TFEB: variants seen among roughly 807,000 people sequenced by gnomAD.
TFEB encodes the protein transcription factor EB.
Under a neutral mutation model 48.0 loss-of-function variants are expected in TFEB, and 12 were observed. The ratio of observed to expected loss-of-function variants is 0.25; its 90% confidence interval spans 0.16 to 0.40. The LOEUF is 0.40. TFEB is among the 10% of genes least tolerant of loss of function. The probability of loss-of-function intolerance (pLI) is 1.00; values close to 1 mark genes in which losing one functional copy is unlikely to be tolerated. For synonymous variants in TFEB, 244 were observed against 261.4 expected, an observed-to-expected ratio of 0.93 and a Z score of 0.64; for missense variants, 509 against 640.3, an observed-to-expected ratio of 0.79 and a Z score of 2.21.
At position 41,734,470 on chromosome 6, in the gene TFEB, G is replaced by T. The variant is rs909373389; in HGVS notation, c.-23+880C>A. The stretch of plus-strand genomic sequence containing the variant: ...TCCCTTCCAGGAGGCGAGCGGACGC[G>T]CTGGGCCAGAGCTGGTCGGGACAGC... On this transcript the variant is annotated intron_variant, in intron 1 of 8. Coordinates refer to ENST00000373033, the MANE Select transcript of TFEB (RefSeq NM_001271944.2). This position sits in a 1 kb window ranked among gnomAD's most constrained non-coding sequence, Gnocchi z 4.0. 1.6e-5 allele frequency: 13 copies of T among 787,976 alleles called. No individual in the cohort carries two copies. Among genetic ancestry groups the T allele is most frequent in the Non-Finnish European group, 1.7e-5 (11 of 650,468 alleles). The allele number at this position is 787,976 out of a possible 1,614,324, so 48.8% of individuals were successfully genotyped here.
chr6:41,691,157 C>T lies in TFEB; in HGVS notation c.57G>A (p.Glu19=), dbSNP rs1350097180. The change falls in exon 2 of 9, where the codon GAG becomes GAA. Residue 19 remains glutamate, a synonymous_variant. Transcript: ENST00000373033. The surrounding 1 kb of genome is among the most constrained non-coding windows in gnomAD (Gnocchi z 5.2). ...MQLMREQAQQ[E]EQRERMQQQA... is the part of the protein sequence containing the mutation. Reference sequence around the variant, plus strand: ...GTTGCTGCATGCGCTCCCGCTGCTCCTCCTGCTGCGCCTGCTCCCGCATGA... The same window carrying T: ...GTTGCTGCATGCGCTCCCGCTGCTCTTCCTGCTGCGCCTGCTCCCGCATGA... 1 of 1,590,408 alleles carries T rather than the reference C, an allele frequency of 6.3e-7. No homozygotes were observed. The highest frequency in any genetic ancestry group is 8.6e-7 in the Non-Finnish European group (1 of 1,166,642).
chr6:41,722,805 T>C (rs1451036747), intron 1 of TFEB, among the ~76,000 whole-genome samples: 1 of 152,216 alleles, frequency 6.6e-6, no homozygotes, highest in African/African-American at 2.4e-5. Flanking sequence ...ACATGCTATG[T>C]CCTGGTGAAG....
Position 41,735,588 on chromosome 6 carries a change from G to C in TFEB, c.-261C>G, listed in dbSNP as rs1053857033. The C allele has an allele frequency of 1.0e-6, 1 of 982,972 alleles. No homozygotes were observed. Among genetic ancestry groups the C allele is most frequent in the Non-Finnish European group, 1.2e-6 (1 of 828,084 alleles). 60.9% of individuals were successfully genotyped at this position (982,972 alleles called of 1,614,324 possible). Reference sequence around the variant, plus strand: ...TCACCGAGCCCCGCGCCCGGCGCCCGGGCTCCGGCTGTCACTCCACGCACA... The same window carrying C: ...TCACCGAGCCCCGCGCCCGGCGCCCCGGCTCCGGCTGTCACTCCACGCACA... On this transcript the variant is annotated 5_prime_UTR_variant, in exon 1 of 9. Coordinates refer to ENST00000373033, the MANE Select transcript of TFEB (RefSeq NM_001271944.2).
intron 1 of TFEB, among the ~76,000 whole-genome samples, chr6:41,702,695 G>A (rs1177822379): frequency 1.3e-5 from 2 of 152,198 alleles, no homozygotes; most frequent in East Asian, 3.8e-4. Flanking sequence ...TCATGCCATT[G>A]TGGACTTGGG....
At chr6:41,721,051 A>C (rs1770957845) in intron 1 of TFEB, among the ~76,000 whole-genome samples, 1 of 146,262 alleles carries the variant, frequency 6.8e-6, no homozygotes. Flanking sequence ...CCAACCATTC[A>C]CCCCAGGCAT....
rs974341122 is a variant in TFEB at position 41,691,293 on chromosome 6, G to A, written c.-22-58C>T. 6.6e-6 allele frequency: 10 copies of A among 1,507,178 alleles called. No homozygotes were observed. The highest frequency in any genetic ancestry group is 7.2e-6 in the Non-Finnish European group (8 of 1,107,262). 93.4% of individuals were successfully genotyped at this position (1,507,178 alleles called of 1,614,324 possible). On this transcript the variant is annotated intron_variant, in intron 1 of 8. Coordinates refer to ENST00000373033, the MANE Select transcript of TFEB (RefSeq NM_001271944.2). This position sits in a 1 kb window ranked among gnomAD's most constrained non-coding sequence, Gnocchi z 5.2. ...GCACGTGTCCTCCTCAAAGCACAGG[G>A]GCTGGCAGGGGGAGGCCAGAATGAC...
At chr6:41,697,502 A>AC (rs1171318397) in intron 1 of TFEB, among the ~76,000 whole-genome samples, 306 of 73,248 alleles carry the variant, frequency 4.2e-3, no homozygotes, top group African/African-American at 0.016. Context: ...CCCTTCTCCA[A>AC]ACCCCCCCCC....
rs73733005 is a variant in TFEB at position 41,723,388 on chromosome 6, C to A, written c.-23+11962G>T. 0.01 allele frequency: 10,236 copies of A among 974,948 alleles called. 701 individuals are homozygous for A. The African/African-American group carries it at 0.15, about 14-fold the overall frequency. The allele number at this position is 974,948 out of a possible 1,614,324, so 60.4% of individuals were successfully genotyped here. A position where few individuals can be genotyped will look rare whatever the true frequency, so the allele number is the denominator to read the frequency against. ...ACACAGATGCACACAGGCTAACACACATGGACACACATTCACACACATGCT... is the reference window on the plus strand; with the variant it reads ...ACACAGATGCACACAGGCTAACACAAATGGACACACATTCACACACATGCT... On this transcript the variant is annotated intron_variant, in intron 1 of 8. Transcript: ENST00000373033. The surrounding 1 kb of genome is among the most constrained non-coding windows in gnomAD (Gnocchi z 6.0).
chr6:41,684,933 A>T lies in TFEB; in HGVS notation c.1097T>A (p.Val366Asp). 1 of 1,582,700 alleles carries T rather than the reference A, an allele frequency of 6.3e-7. No individual in the cohort carries two copies. Among genetic ancestry groups the T allele is most frequent in the Non-Finnish European group, 8.6e-7 (1 of 1,164,620 alleles). ...PGEALMLGAE[V>D]PDPEPLPALP... is the part of the protein sequence containing the mutation. ...AGCTGGCAGTGGCTCAGGGTCAGGG[A>T]CCTCAGCCCCCAGCATCAGGGCCTC... The change falls in exon 9 of 9, where the codon GTC becomes GAC. Residue 366 changes from valine (V) to aspartate (D), a missense_variant. Physicochemically the swap from Val to Asp is radical, Grantham distance 152. Around this residue, in one of 4 missense-constraint regions of TFEB, gnomAD observed 168 missense variants for 161.0 expected, o/e 1.04. Coordinates refer to ENST00000373033, the MANE Select transcript of TFEB (RefSeq NM_001271944.2).
At chr6:41,701,666 C>T (rs987586347) in intron 1 of TFEB, among the ~76,000 whole-genome samples, 1 of 152,176 alleles carries the variant, frequency 6.6e-6, no homozygotes, top group Non-Finnish European at 1.5e-5. Flanking sequence ...TTAAGTAGGC[C>T]AGGCGCAGTG....
Position 41,685,012 on chromosome 6 carries a change from C to T in TFEB, c.1018G>A (p.Glu340Lys). ...TGCTTCACCACCTGCTGGGCCAGCT[C>T]AGCCATGTTCATGCCGGACGGGGAG... ...TTSPSGMNMA[E>K]LAQQVVKQEL... The change falls in exon 9 of 9, where the codon GAG (glutamate) becomes AAG (lysine). Residue 340 changes from glutamate (E) to lysine (K), a missense_variant. This residue lies in a region of TFEB where 62 missense variants were observed against 90.2 expected (regional missense o/e 0.69). Transcript: ENST00000373033. 1 of 1,527,738 alleles carries T rather than the reference C, an allele frequency of 6.5e-7. No homozygotes were observed. Among genetic ancestry groups the T allele is most frequent in the South Asian group, 1.3e-5 (1 of 78,144 alleles). 94.6% of individuals were successfully genotyped at this position (1,527,738 alleles called of 1,614,324 possible). A position where few individuals can be genotyped will look rare whatever the true frequency, so the allele number is the denominator to read the frequency against.
rs1771608506 is a variant in TFEB at position 41,734,859 on chromosome 6, C to A, written c.-23+491G>T. On this transcript the variant is annotated intron_variant, in intron 1 of 8. Coordinates refer to ENST00000373033, the MANE Select transcript of TFEB (RefSeq NM_001271944.2). This position sits in a 1 kb window ranked among gnomAD's most constrained non-coding sequence, Gnocchi z 4.0. The stretch of plus-strand genomic sequence containing the variant: ...GCCGCTCTGGCCCTCCCACTCCCCC[C>A]GCTGGCCTGGCCAGACTCAGCCCCC... 6 of 983,286 alleles carry A rather than the reference C, an allele frequency of 6.1e-6. No homozygotes were observed. The highest frequency in any genetic ancestry group is 6.0e-6 in the Non-Finnish European group (5 of 828,034). 60.9% of individuals were successfully genotyped at this position (983,286 alleles called of 1,614,324 possible). A position where few individuals can be genotyped will look rare whatever the true frequency, so the allele number is the denominator to read the frequency against.
intron 1 of TFEB, chr6:41,732,746 A>G (rs1771506867): frequency 2.0e-6 from 2 of 985,770 alleles, no homozygotes; most frequent in Non-Finnish European, 2.4e-6. Flanking sequence ...CACACTGTAC[A>G]TGCATATATG....
intron 1 of TFEB, among the ~76,000 whole-genome samples, chr6:41,727,770 C>T (rs1771273863): frequency 6.6e-6 from 1 of 152,202 alleles, no homozygotes; most frequent in Admixed American, 6.5e-5. Flanking sequence ...AGCATGGAGG[C>T]TCAGTCACAG....
chr6:41,695,854 G>T (rs1769549868), intron 1 of TFEB, among the ~76,000 whole-genome samples: 1 of 152,344 alleles, frequency 6.6e-6, no homozygotes, highest in South Asian at 2.1e-4. Context: ...TTATGGGGGG[G>T]CCCAACCTGC....
intron 1 of TFEB, among the ~76,000 whole-genome samples, chr6:41,701,003 T>A (rs1292634731): frequency 6.6e-6 from 1 of 152,178 alleles, no homozygotes; most frequent in East Asian, 1.9e-4. Context: ...GAGGGACATG[T>A]AGCTAATAGG....
At chr6:41,695,103 G>A (rs1041762752) in intron 1 of TFEB, among the ~76,000 whole-genome samples, 4 of 152,210 alleles carry the variant, frequency 2.6e-5, no homozygotes, top group African/African-American at 9.7e-5. Flanking sequence ...TACTGGCTAG[G>A]CGACTTCAGA....
chr6:41,702,890 A>G (rs1770006920), intron 1 of TFEB, among the ~76,000 whole-genome samples: 2 of 152,198 alleles, frequency 1.3e-5, no homozygotes, highest in African/African-American at 4.8e-5. Flanking sequence ...GACCCTCACA[A>G]ATAACATGCA....
intron 1 of TFEB, among the ~76,000 whole-genome samples, chr6:41,731,254 TCA>T (rs1771437540): frequency 6.6e-6 from 1 of 151,876 alleles, no homozygotes; most frequent in Non-Finnish European, 1.5e-5. Context: ...TTGCCGAGGC[TCA>T]CACAGTGTTA....
Sources: allele counts gnomAD v4.1 joint callset (sites outside exome capture counted in the v4.1 genomes callset), GRCh38; gene constraint gnomAD v4.1.1; regional missense constraint gnomAD v4.1.1; non-coding constraint Gnocchi (gnomAD v3.1); transcripts MANE v1.5; gene names NCBI Gene and HGNC (gene_info 2026-07-23, HGNC 2026-07-21).